Variants in PDE4B observed in about 807,000 individuals in gnomAD.
The protein encoded by PDE4B is 3',5'-cyclic-AMP phosphodiesterase 4B.
A neutral mutation model predicts 82.2 loss-of-function variants in PDE4B; 20 were observed. That is an observed-to-expected ratio of 0.24 (90% CI 0.17 to 0.35). The LOEUF (loss-of-function observed/expected upper bound fraction) is 0.35. Among genes scored for constraint, PDE4B ranks in the 10% least tolerant of loss-of-function variants. The probability of loss-of-function intolerance (pLI) is 1.00; values close to 1 mark genes in which losing one functional copy is unlikely to be tolerated. For synonymous variants in PDE4B, 320 were observed against 318.9 expected (o/e 1.00, Z -0.04); for missense variants, 655 against 907.2 (o/e 0.72, Z 3.57).
chr1:66,164,115 C>T (rs1646671646), intron 3 of PDE4B, among the ~76,000 whole-genome samples: 2 of 152,158 alleles, frequency 1.3e-5, no homozygotes, highest in Admixed American at 1.3e-4. Context: ...ATCAACAAGA[C>T]ATGCTTTAGT....
chr1:65,917,589 G>A (rs961870293), intron 2 of PDE4B, among the ~76,000 whole-genome samples: 1 of 152,136 alleles, frequency 6.6e-6, no homozygotes, highest in Non-Finnish European at 1.5e-5. Context: ...AACAATCTCA[G>A]GACCCATTGT....
chr1:66,260,936 C>T (rs1486943557), intron 6 of PDE4B, among the ~76,000 whole-genome samples: 1 of 152,168 alleles, frequency 6.6e-6, no homozygotes, highest in Non-Finnish European at 1.5e-5. Flanking sequence ...AAAAAGCAGG[C>T]CTCCAGTGGT....
chr1:65,966,245 A>G (rs1376135019), intron 3 of PDE4B, among the ~76,000 whole-genome samples: 1 of 152,190 alleles, frequency 6.6e-6, no homozygotes, highest in Non-Finnish European at 1.5e-5. Flanking sequence ...GCATTCCTAT[A>G]CACCAATAAT....
intron 3 of PDE4B, among the ~76,000 whole-genome samples, chr1:66,062,264 A>C (rs1655617376): frequency 6.6e-6 from 1 of 152,154 alleles, no homozygotes; most frequent in African/African-American, 2.4e-5. Flanking sequence ...TTTCCTCTAC[A>C]AATAAACTCA....
intron 3 of PDE4B, among the ~76,000 whole-genome samples, chr1:66,190,606 T>C (rs4425961): frequency 0.5 from 75,862 of 151,796 alleles, 19,723 homozygotes; most frequent in South Asian, 0.64. Flanking sequence ...TAGCAATGAG[T>C]GAGGCTCTGT....
At chr1:66,110,807 T>G (rs1437673387) in intron 3 of PDE4B, among the ~76,000 whole-genome samples, 2 of 152,106 alleles carry the variant, frequency 1.3e-5, no homozygotes, top group African/African-American at 4.8e-5. Context: ...CTACTACAAC[T>G]GCAACTATGA....
intron 9 of PDE4B, among the ~76,000 whole-genome samples, chr1:66,358,211 G>A (rs1662422200): frequency 6.6e-6 from 1 of 152,166 alleles, no homozygotes. Context: ...CTAGGACTTG[G>A]CTTTCTTGGC....
At chr1:66,191,246 G>T (rs892558441) in intron 3 of PDE4B, among the ~76,000 whole-genome samples, 3 of 152,100 alleles carry the variant, frequency 2.0e-5, no homozygotes, top group African/African-American at 7.2e-5. Context: ...GGAGAAAGAG[G>T]TCAATTCAGC....
intron 3 of PDE4B, among the ~76,000 whole-genome samples, chr1:66,226,793 T>A (rs987296711): frequency 1.3e-5 from 2 of 152,254 alleles, no homozygotes; most frequent in Admixed American, 1.3e-4. Context: ...TGATCTAGTT[T>A]ATAGTTTTTA....
chr1:66,032,180 G>GGATT (rs1378157565), intron 3 of PDE4B, among the ~76,000 whole-genome samples: 1 of 152,166 alleles, frequency 6.6e-6, no homozygotes, highest in Admixed American at 6.5e-5. Flanking sequence ...ACTGTTTTGA[G>GGATT]GATTGAAATA....
chr1:66,366,861 G>C (rs950971093), intron 13 of PDE4B, among the ~76,000 whole-genome samples: 1 of 152,180 alleles, frequency 6.6e-6, no homozygotes, highest in Admixed American at 6.6e-5. Flanking sequence ...ACTCATTGGA[G>C]GTTGTAACTA....
chr1:65,918,568 C>CTTTTTT (rs971517100), intron 2 of PDE4B, 29 bp from the exon 3 acceptor site: 2 of 1,303,018 alleles, frequency 1.5e-6, no homozygotes, highest in Admixed American at 1.7e-5. Context: ...TCTTTCTCTT[C>CTTTTTT]TTTTTTTCTT....
At chr1:66,002,976 A>G (rs542657957) in intron 3 of PDE4B, among the ~76,000 whole-genome samples, 40 of 152,312 alleles carry the variant, frequency 2.6e-4, no homozygotes, top group Middle Eastern at 3.4e-3. Flanking sequence ...TGTTTAATAG[A>G]TGTTACTGTT....
intron 3 of PDE4B, among the ~76,000 whole-genome samples, chr1:66,214,174 A>C (rs1460943807): frequency 1.3e-5 from 2 of 152,204 alleles, no homozygotes; most frequent in Non-Finnish European, 2.9e-5. Flanking sequence ...GGTTCTTGAA[A>C]TGTCTACTAG....
At chr1:65,937,477 G>A (rs1648216718) in intron 3 of PDE4B, among the ~76,000 whole-genome samples, 1 of 152,252 alleles carries the variant, frequency 6.6e-6, no homozygotes, top group African/African-American at 2.4e-5. Flanking sequence ...CTAAAGCCCT[G>A]TTTTAAAGAT....
chr1:66,013,245 A>G (rs968513348), intron 3 of PDE4B, among the ~76,000 whole-genome samples: 1 of 152,106 alleles, frequency 6.6e-6, no homozygotes, highest in African/African-American at 2.4e-5. Flanking sequence ...GAGTGAAATG[A>G]TAACTGATTT....
chr1:66,340,296 G>A (rs562023836), intron 8 of PDE4B, among the ~76,000 whole-genome samples: 3 of 152,286 alleles, frequency 2.0e-5, no homozygotes, highest in African/African-American at 7.2e-5. Flanking sequence ...CTTCCACAAA[G>A]AAAGGACTGT....
intron 3 of PDE4B, among the ~76,000 whole-genome samples, chr1:66,198,463 C>A (rs562098885): frequency 1.3e-5 from 2 of 152,078 alleles, no homozygotes; most frequent in African/African-American, 4.8e-5. Flanking sequence ...GCTAGATAAG[C>A]AAAAAGTGGC....
intron 3 of PDE4B, among the ~76,000 whole-genome samples, chr1:66,172,250 C>T (rs1237755606): frequency 6.6e-6 from 1 of 152,188 alleles, no homozygotes; most frequent in East Asian, 1.9e-4. Flanking sequence ...TGGCCTCCAG[C>T]TGCATCCATA....
Sources: gnomAD v4.1 joint callset for allele counts (sites outside exome capture counted in the v4.1 genomes callset) on GRCh38, gnomAD v4.1.1 for gene constraint, MANE v1.5 for transcripts, NCBI Gene and HGNC (gene_info 2026-07-23, HGNC 2026-07-21) for gene names.